The following SLC24A2 variants were observed in gnomAD, a reference collection of about 807,000 sequenced individuals.
The protein encoded by SLC24A2 is sodium/potassium/calcium exchanger 2.
In SLC24A2, 36 loss-of-function variants were observed where a neutral mutation model predicts 62.0. That is an observed-to-expected ratio of 0.58 (90% CI 0.44 to 0.77). The LOEUF (loss-of-function observed/expected upper bound fraction) is 0.77. SLC24A2 is among the 30% of genes least tolerant of loss of function. SLC24A2 has a pLI of 0.00. For synonymous variants in SLC24A2, 358 were observed against 294.0 expected (o/e 1.22, Z -2.23); for missense variants, 846 against 817.9 (o/e 1.03, Z -0.42).
the SLC24A2 span, among the ~76,000 whole-genome samples, chr9:19,999,759 T>C: frequency 6.6e-6 from 1 of 152,152 alleles, no homozygotes; most frequent in Non-Finnish European, 1.5e-5. Context: ...TGTCCTGCCT[T>C]ACAGTCATCC....
the SLC24A2 span, among the ~76,000 whole-genome samples, chr9:20,291,610 A>AC: frequency 1.3e-5 from 2 of 151,542 alleles, no homozygotes; most frequent in Non-Finnish European, 2.9e-5. Flanking sequence ...CCTTATGATG[A>AC]CCCCCCACCA....
At chr9:20,296,881 C>T in the SLC24A2 span, among the ~76,000 whole-genome samples, 1 of 152,172 alleles carries the variant, frequency 6.6e-6, no homozygotes. Context: ...TTTATGCTTG[C>T]AAAAATATGC....
intron 2 of SLC24A2, among the ~76,000 whole-genome samples, chr9:19,672,135 G>A (rs1257545273): frequency 6.8e-6 from 1 of 146,234 alleles, no homozygotes; most frequent in Non-Finnish European, 1.5e-5. Flanking sequence ...ATTGGTACCA[G>A]TTCTTTGAAT....
chr9:20,290,091 C>G, the SLC24A2 span, among the ~76,000 whole-genome samples: 1 of 152,162 alleles, frequency 6.6e-6, no homozygotes, highest in African/African-American at 2.4e-5. Context: ...GCACCCAACC[C>G]CAACACAAAC....
intron 9 of SLC24A2, among the ~76,000 whole-genome samples, chr9:19,526,516 G>T (rs1264211546): frequency 6.6e-6 from 1 of 152,130 alleles, no homozygotes; most frequent in South Asian, 2.1e-4. Context: ...ACACTTGTTA[G>T]GTTCTGTCTT....
intron 7 of SLC24A2, among the ~76,000 whole-genome samples, chr9:19,555,977 T>C (rs2132771687): frequency 6.6e-6 from 1 of 152,292 alleles, no homozygotes; most frequent in South Asian, 2.1e-4. Flanking sequence ...ATATACATGT[T>C]ATTCTAAGTG....
intron 2 of SLC24A2, among the ~76,000 whole-genome samples, chr9:19,671,616 C>A (rs1819418787): frequency 6.6e-6 from 1 of 152,158 alleles, no homozygotes; most frequent in Non-Finnish European, 1.5e-5. Context: ...TTAGAGTGGG[C>A]ATCCTTGTCT....
At chr9:20,168,471 A>C in the SLC24A2 span, among the ~76,000 whole-genome samples, 1 of 152,010 alleles carries the variant, frequency 6.6e-6, no homozygotes, top group Non-Finnish European at 1.5e-5. Context: ...CTGCTAATTA[A>C]TATCTAGAAT....
the SLC24A2 span, among the ~76,000 whole-genome samples, chr9:20,084,826 G>C: frequency 2.0e-5 from 3 of 151,702 alleles, no homozygotes; most frequent in Non-Finnish European, 4.4e-5. Flanking sequence ...GCTCAGTTTT[G>C]AAAAAGAAAA....
the SLC24A2 span, among the ~76,000 whole-genome samples, chr9:19,903,010 A>G: frequency 6.6e-6 from 1 of 151,922 alleles, no homozygotes; most frequent in Non-Finnish European, 1.5e-5. Context: ...ACTGAGTATC[A>G]AAGTCTATAA....
the SLC24A2 span, among the ~76,000 whole-genome samples, chr9:19,866,632 T>C: frequency 7.8e-6 from 1 of 127,392 alleles, no homozygotes. Flanking sequence ...TCACTTTTTT[T>C]TTTTTTTTTT....
the SLC24A2 span, among the ~76,000 whole-genome samples, chr9:20,267,898 T>C: frequency 1.1e-4 from 16 of 152,254 alleles, no homozygotes; most frequent in Admixed American, 2.0e-4. Flanking sequence ...CCCTTCCTAC[T>C]GGGTGCCAGG....
At chr9:19,907,353 A>G in the SLC24A2 span, among the ~76,000 whole-genome samples, 1 of 152,230 alleles carries the variant, frequency 6.6e-6, no homozygotes, top group African/African-American at 2.4e-5. Flanking sequence ...ATCTATGACA[A>G]ACCCACAGCC....
the SLC24A2 span, among the ~76,000 whole-genome samples, chr9:20,169,336 G>A: frequency 6.6e-6 from 1 of 151,974 alleles, no homozygotes; most frequent in Non-Finnish European, 1.5e-5. Context: ...AGCATGTGGA[G>A]CCTCGTGTCA....
At chr9:20,249,411 G>C in the SLC24A2 span, among the ~76,000 whole-genome samples, 1 of 152,086 alleles carries the variant, frequency 6.6e-6, no homozygotes, top group African/African-American at 2.4e-5. Flanking sequence ...GATTAAATGA[G>C]ATAGTCCATC....
chr9:19,915,565 T>A, the SLC24A2 span, among the ~76,000 whole-genome samples: 63,942 of 151,884 alleles, frequency 0.42, 13,874 homozygotes, highest in Middle Eastern at 0.6. Flanking sequence ...TATTAAAGGT[T>A]CCAATTTATC....
the SLC24A2 span, among the ~76,000 whole-genome samples, chr9:19,847,782 A>G: frequency 6.6e-6 from 1 of 152,146 alleles, no homozygotes; most frequent in Non-Finnish European, 1.5e-5. Context: ...CTTGTTTACC[A>G]TCCTAATCCT....
the SLC24A2 span, among the ~76,000 whole-genome samples, chr9:20,106,137 G>A: frequency 2.6e-5 from 4 of 152,152 alleles, no homozygotes; most frequent in Admixed American, 1.3e-4. Context: ...ACCCTCCCAA[G>A]ACTAAACCAG....
rs1255524192 is a variant in SLC24A2 at position 19,547,895 on chromosome 9, G to C, written c.1479+2242C>G. On this transcript the variant is annotated intron_variant, in intron 8 of 10. Transcript: ENST00000341998. ...TATCTTAGAAATGTCAGTGTGGTGTGAGCCAAGAAAAATCAAACACATTCA... is the reference window on the plus strand; with the variant it reads ...TATCTTAGAAATGTCAGTGTGGTGTCAGCCAAGAAAAATCAAACACATTCA... Among the ~76,000 whole-genome samples, 2 of 151,740 alleles carry C rather than the reference G, an allele frequency of 1.3e-5. 1 individual carries two copies. Among genetic ancestry groups the C allele is most frequent in the African/African-American group, 4.9e-5 (2 of 40,972 alleles).
Sources: allele counts gnomAD v4.1 joint callset (sites outside exome capture counted in the v4.1 genomes callset), GRCh38; gene constraint gnomAD v4.1.1; transcripts MANE v1.5; gene names NCBI Gene and HGNC (gene_info 2026-07-23, HGNC 2026-07-21).